CSMD3: variants seen among roughly 807,000 people sequenced by gnomAD.
CSMD3 encodes the protein CUB and sushi domain-containing protein 3.
Under a neutral mutation model 435.2 loss-of-function variants are expected in CSMD3, and 177 were observed. The ratio of observed to expected loss-of-function variants is 0.41; its 90% CI spans 0.36 to 0.46. The LOEUF (loss-of-function observed/expected upper bound fraction) is 0.46. Ranked by LOEUF, CSMD3 falls within the 20% of genes least tolerant of loss-of-function variation. CSMD3 has a pLI of 0.34. For synonymous variants in CSMD3, 1,656 were observed against 1,520.5 expected, an observed-to-expected ratio of 1.09 and a Z score of -2.07; for missense variants, 4,265 against 4,504.6, an observed-to-expected ratio of 0.95 and a Z score of 1.52.
At position 112,255,249 on chromosome 8, in the gene CSMD3, A is replaced by G. The variant is rs200961342; in HGVS notation, c.10036+5T>C. ...TGTGCATAATCAGCCTTTAATTAAT[A>G]TTACCTATGCAGTGAGGTGATGAAC... On this transcript the variant is annotated splice_donor_5th_base_variant and intron_variant, in intron 62 of 70. Transcript: ENST00000297405. 8.1e-6 allele frequency: 13 copies of G among 1,609,666 alleles called. No homozygotes were observed. In the East Asian group the frequency reaches 8.9e-5, roughly 11 times the overall value.
At chr8:112,600,760 C>G (rs1040777679) in intron 22 of CSMD3, among the ~76,000 whole-genome samples, 4 of 151,944 alleles carry the variant, frequency 2.6e-5, no homozygotes, top group East Asian at 3.9e-4. Context: ...TCACTGCAAG[C>G]TCCACCTCCC....
At chr8:112,233,875 G>A (rs1485830595) in intron 68 of CSMD3, among the ~76,000 whole-genome samples, 1 of 152,002 alleles carries the variant, frequency 6.6e-6, no homozygotes, top group Non-Finnish European at 1.5e-5. Flanking sequence ...CCTTTTCATG[G>A]ACTTTATATA....
intron 5 of CSMD3, among the ~76,000 whole-genome samples, chr8:113,075,351 A>G (rs1049439875): frequency 3.9e-5 from 6 of 151,980 alleles, no homozygotes; most frequent in Non-Finnish European, 8.9e-5. Flanking sequence ...AGCATTAATC[A>G]TATTAAATGT....
At chr8:113,173,533 G>A (rs2092301989) in intron 4 of CSMD3, among the ~76,000 whole-genome samples, 189 bp downstream of exon 4, 1 of 152,006 alleles carries the variant, frequency 6.6e-6, no homozygotes, top group Non-Finnish European at 1.5e-5. Flanking sequence ...TATTGGCCAG[G>A]CTGGTCTCAA....
intron 10 of CSMD3, among the ~76,000 whole-genome samples, chr8:112,901,817 C>T (rs185132331): frequency 7.4e-4 from 112 of 151,312 alleles, no homozygotes; most frequent in African/African-American, 2.7e-3. Flanking sequence ...ACCTCAGTTA[C>T]CATTCTACCC....
intron 3 of CSMD3, among the ~76,000 whole-genome samples, chr8:113,269,279 A>G (rs2132404721): frequency 6.6e-6 from 1 of 152,288 alleles, no homozygotes; most frequent in East Asian, 1.9e-4. Flanking sequence ...TTCAAGAACA[A>G]CTACAAACCA....
chr8:113,324,825 T>C (rs948291036), intron 1 of CSMD3, among the ~76,000 whole-genome samples: 2 of 152,130 alleles, frequency 1.3e-5, no homozygotes, highest in African/African-American at 2.4e-5. Flanking sequence ...AGGAGGTAGG[T>C]TGTACCCTGC....
intron 31 of CSMD3, among the ~76,000 whole-genome samples, chr8:112,473,940 C>T (rs1236670609): frequency 6.6e-6 from 1 of 151,968 alleles, no homozygotes; most frequent in Admixed American, 6.6e-5. Flanking sequence ...CTGTTGCCGA[C>T]AGCTAGTAGG....
intron 61 of CSMD3, among the ~76,000 whole-genome samples, chr8:112,259,294 C>G (rs757956600): frequency 6.6e-6 from 1 of 152,100 alleles, no homozygotes; most frequent in Non-Finnish European, 1.5e-5. Context: ...TTTGCAGGGA[C>G]ATGGATGAAG....
chr8:112,833,460 T>C (rs1024834237), intron 11 of CSMD3, among the ~76,000 whole-genome samples: 15 of 152,118 alleles, frequency 9.9e-5, no homozygotes, highest in African/African-American at 1.9e-4. Context: ...AACTAGGCAC[T>C]GGATAAAGCT....
chr8:113,249,153 T>C (rs1029336277), intron 3 of CSMD3, among the ~76,000 whole-genome samples: 1 of 152,108 alleles, frequency 6.6e-6, no homozygotes, highest in Non-Finnish European at 1.5e-5. Flanking sequence ...TGCCGCCATG[T>C]AAGACATGAC....
chr8:112,431,822 C>G (rs1322554791), intron 32 of CSMD3, among the ~76,000 whole-genome samples: 1 of 152,074 alleles, frequency 6.6e-6, no homozygotes, highest in Non-Finnish European at 1.5e-5. Context: ...TCACCACAAG[C>G]ACAAATATAC....
intron 13 of CSMD3, among the ~76,000 whole-genome samples, chr8:112,705,573 G>A (rs1414265025): frequency 6.6e-6 from 1 of 151,882 alleles, no homozygotes; most frequent in African/African-American, 2.4e-5. Flanking sequence ...TATCATGTAA[G>A]TTTCTTAGGC....
chr8:113,374,849 C>CAAAAAAAAAAAAAAAA (rs1251115132), intron 1 of CSMD3, among the ~76,000 whole-genome samples: 18 of 21,012 alleles, frequency 8.6e-4, no homozygotes, highest in African/African-American at 1.9e-3. Context: ...AAAAAAAAAC[C>CAAAAAAAAAAAAAAAA]AATAAAATGA....
At chr8:113,237,588 C>G (rs1345511823) in intron 3 of CSMD3, among the ~76,000 whole-genome samples, 1 of 152,116 alleles carries the variant, frequency 6.6e-6, no homozygotes, top group Non-Finnish European at 1.5e-5. Context: ...TTGGGTGGTA[C>G]AGGCATGATC....
intron 5 of CSMD3, among the ~76,000 whole-genome samples, chr8:113,083,131 T>C (rs1449644229): frequency 6.6e-6 from 1 of 152,098 alleles, no homozygotes; most frequent in Non-Finnish European, 1.5e-5. Flanking sequence ...ATTTTGGCAG[T>C]TTGAATACAA....
At chr8:113,370,403 T>C (rs949062524) in intron 1 of CSMD3, among the ~76,000 whole-genome samples, 1 of 151,164 alleles carries the variant, frequency 6.6e-6, no homozygotes, top group Admixed American at 6.6e-5. Flanking sequence ...CTTGTCAAAT[T>C]GTGATTAGGT....
intron 3 of CSMD3, among the ~76,000 whole-genome samples, chr8:113,213,856 C>G (rs1331950904): frequency 6.6e-6 from 1 of 151,900 alleles, no homozygotes; most frequent in Admixed American, 6.6e-5. Context: ...ATTAGTCTTT[C>G]TTTTATTCAT....
chr8:112,294,953 T>C (rs1341976382), intron 54 of CSMD3, among the ~76,000 whole-genome samples: 1 of 152,078 alleles, frequency 6.6e-6, no homozygotes, highest in African/African-American at 2.4e-5. Context: ...TTTAGTTGCA[T>C]GGATAAGTTC....
Sources: gnomAD v4.1 joint callset for allele counts (sites outside exome capture counted in the v4.1 genomes callset) on GRCh38, gnomAD v4.1.1 for gene constraint, MANE v1.5 for transcripts, NCBI Gene and HGNC (gene_info 2026-07-23, HGNC 2026-07-21) for gene names.